Variants in PCNX2 observed in about 807,000 individuals in gnomAD.
PCNX2 encodes pecanex-like protein 2.
Under a neutral mutation model 223.8 loss-of-function variants are expected in PCNX2, and 168 were observed. That is an observed-to-expected ratio of 0.75 (90% CI 0.66 to 0.85). The LOEUF (loss-of-function observed/expected upper bound fraction) is 0.85, where lower values mean the gene tolerates loss of function less well. Among genes scored for constraint, PCNX2 ranks in the 40% least tolerant of loss-of-function variants. The probability of loss-of-function intolerance (pLI) is 0.00; values close to 1 mark genes in which losing one functional copy is unlikely to be tolerated. For synonymous variants in PCNX2, 1,006 were observed against 1,052.6 expected (o/e 0.96, Z 0.86); for missense variants, 2,507 against 2,675.5 (o/e 0.94, Z 1.39).
chr1:232,993,353 C>A (rs1669768472), intron 32 of PCNX2, among the ~76,000 whole-genome samples: 1 of 152,176 alleles, frequency 6.6e-6, no homozygotes, highest in Non-Finnish European at 1.5e-5. Flanking sequence ...TCCTAGAGAT[C>A]TGTGGAACTT....
At chr1:233,268,316 C>T (rs1453747021) in intron 1 of PCNX2, among the ~76,000 whole-genome samples, 1 of 152,156 alleles carries the variant, frequency 6.6e-6, no homozygotes, top group Admixed American at 6.5e-5. Flanking sequence ...TGCCTCCCAT[C>T]TTTTGAATGG....
chr1:233,262,047 A>T lies in PCNX2; in HGVS notation c.478T>A (p.Leu160Met). ...SITSHHSSGP[L>M]ELSAQETVED... ...AAACAGGAAAGAAGACCACTAACCA[A>T]TGGCCCAGAAGAGTGATGAGAGGTT... Residue 160 changes from leucine (L) to methionine (M), a missense_variant and splice_region_variant, in exon 3 of 34, where the codon TTG (leucine) becomes ATG (methionine). Around this residue, in one of 3 missense-constraint regions of PCNX2, gnomAD observed 1,031 missense variants for 1,021.7 expected, o/e 1.01. Coordinates refer to ENST00000258229, the MANE Select transcript of PCNX2 (RefSeq NM_014801.4). The T allele has an allele frequency of 6.2e-7, 1 of 1,613,390 alleles. No homozygotes were observed. The highest frequency in any genetic ancestry group is 8.5e-7 in the Non-Finnish European group (1 of 1,179,482).
At chr1:233,172,809 TTTTTAG>T (rs1679235619) in intron 17 of PCNX2, among the ~76,000 whole-genome samples, 1 of 152,194 alleles carries the variant, frequency 6.6e-6, no homozygotes, top group Non-Finnish European at 1.5e-5. Flanking sequence ...TTATTCAGAA[TTTTTAG>T]TTTTAATCAG....
chr1:233,064,395 T>TC (rs1672515113), intron 23 of PCNX2, among the ~76,000 whole-genome samples: 1 of 152,196 alleles, frequency 6.6e-6, no homozygotes, highest in Non-Finnish European at 1.5e-5. Context: ...TGGAGACTTG[T>TC]CCCCACTCTT....
chr1:233,092,993 G>T (rs1184534955), intron 22 of PCNX2, among the ~76,000 whole-genome samples: 2 of 152,062 alleles, frequency 1.3e-5, no homozygotes, highest in East Asian at 1.9e-4. Flanking sequence ...TAGAGACGGG[G>T]TTTCACCGTG....
At chr1:233,048,702 G>C (rs1045573508) in intron 25 of PCNX2, among the ~76,000 whole-genome samples, 11 of 152,056 alleles carry the variant, frequency 7.2e-5, no homozygotes, top group African/African-American at 2.7e-4. Context: ...TCCATACAAA[G>C]AGTCAACAAA....
At chr1:233,270,712 T>G (rs1660598142) in intron 1 of PCNX2, among the ~76,000 whole-genome samples, 1 of 152,224 alleles carries the variant, frequency 6.6e-6, no homozygotes, top group African/African-American at 2.4e-5. Context: ...CTGTTTCTTA[T>G]GAAATCTGCT....
rs577344612 is a variant in PCNX2, at chr1:233,033,828, C to A, written c.4352-8429G>T. ...GAGAACTGGATACCTTTCAGGAAAT[C>A]TTTGAGATGTATAATTTCTGCAATG... On this transcript the variant is annotated intron_variant, in intron 25 of 33. Transcript: ENST00000258229. Among the ~76,000 whole-genome samples, 3 of 152,288 alleles carry A rather than the reference C, an allele frequency of 2.0e-5. No individual in the cohort carries two copies. The East Asian group carries it at 5.8e-4, about 29-fold the overall frequency.
chr1:233,054,298 T>G lies in PCNX2; in HGVS notation c.4321A>C (p.Thr1441Pro), dbSNP rs751034307. Residue 1441 changes from threonine (T) to proline (P), a missense_variant, in exon 25 of 34, where the codon ACC becomes CCC. Physicochemically the swap from Thr to Pro is conservative, Grantham distance 38. Around this residue, in one of 3 missense-constraint regions of PCNX2, gnomAD observed 1,372 missense variants for 1,509.4 expected, o/e 0.91. Transcript: ENST00000258229. ...AATTCCAGTCCTCGAAGTTGAAAGG[T>G]GACAAGACCATTTCCAATTTCAATC... ...HLIEIGNGLV[T>P]FQLRGLEFRG... 3 of 1,613,858 alleles carry G rather than the reference T, an allele frequency of 1.9e-6. No individual in the cohort carries two copies. The highest frequency in any genetic ancestry group is 2.2e-5 in the South Asian group (2 of 91,036).
At position 233,100,454 on chromosome 1, in the gene PCNX2, A is replaced by C. The variant is rs1674425512; in HGVS notation, c.3838-4591T>G. On this transcript the variant is annotated intron_variant, in intron 21 of 33. Coordinates refer to ENST00000258229, the MANE Select transcript of PCNX2 (RefSeq NM_014801.4). Reference sequence around the variant, plus strand: ...AAAAAAAAAAAGAAAATCACAATGGAGTAATTATGGCTGTTTCCCAAGGAA... The same window carrying C: ...AAAAAAAAAAAGAAAATCACAATGGCGTAATTATGGCTGTTTCCCAAGGAA... 2.0e-5 allele frequency among the ~76,000 whole-genome samples: 3 copies of C among 150,920 alleles called. No homozygotes were observed. The South Asian group carries it at 6.3e-4, about 32-fold the overall frequency.
At chr1:233,247,242 G>A (rs1427609110) in intron 8 of PCNX2, among the ~76,000 whole-genome samples, 1 of 152,198 alleles carries the variant, frequency 6.6e-6, no homozygotes, top group African/African-American at 2.4e-5. Context: ...TGAAGGGACT[G>A]GAGTTTTGTG....
chr1:233,167,701 C>T, intron 17 of PCNX2: 1 of 968,558 alleles, frequency 1.0e-6, no homozygotes, highest in African/African-American at 1.8e-5. Flanking sequence ...AATAAAATCT[C>T]TTTAAAAAAT....
At chr1:233,171,638 C>T (rs757708489) in intron 17 of PCNX2, among the ~76,000 whole-genome samples, 1 of 152,146 alleles carries the variant, frequency 6.6e-6, no homozygotes, top group African/African-American at 2.4e-5. Flanking sequence ...TGCATTTTCA[C>T]TATGGCTTGT....
chr1:233,252,768 T>G lies in PCNX2; in HGVS notation c.1855A>C (p.Lys619Gln). The change falls in exon 6 of 34, where the codon AAG (lysine) becomes CAG (glutamine). Residue 619 changes from lysine (K) to glutamine (Q), a missense_variant. Physicochemically the swap from Lys to Gln is moderately conservative, Grantham distance 53. Coordinates refer to ENST00000258229, the MANE Select transcript of PCNX2 (RefSeq NM_014801.4). Reference protein sequence around the residue: ...LLRDNCSQEKKEEILENEKPS... With the variant: ...LLRDNCSQEKQEEILENEKPS... ...TTTTCATTTTCCAGGATTTCCTCCT[T>G]TTTTTCCTGGGAACAGTTATCTGAA... The G allele has an allele frequency of 6.2e-7, 1 of 1,611,196 alleles. No homozygotes were observed. Among genetic ancestry groups the G allele is most frequent in the Non-Finnish European group, 8.5e-7 (1 of 1,179,388 alleles).
chr1:233,128,792 A>C (rs1676253448), intron 21 of PCNX2, among the ~76,000 whole-genome samples: 1 of 152,232 alleles, frequency 6.6e-6, no homozygotes, highest in Non-Finnish European at 1.5e-5. Context: ...AAATGTCACC[A>C]ATGAATAACA....
intron 17 of PCNX2, 37 bp downstream of exon 17, chr1:233,177,765 C>T (rs750968570): frequency 3.9e-6 from 6 of 1,540,450 alleles, no homozygotes; most frequent in Middle Eastern, 1.7e-4. Context: ...AAAGATGAGG[C>T]CCTCCTATGC....
At chr1:233,009,757 G>A (rs190909523) in intron 28 of PCNX2, among the ~76,000 whole-genome samples, 8 of 152,276 alleles carry the variant, frequency 5.3e-5, no homozygotes, top group Admixed American at 4.6e-4. Context: ...TTCTGATCAA[G>A]CTCCCTCTGT....
At chr1:233,111,095 T>C (rs574473209) in intron 21 of PCNX2, among the ~76,000 whole-genome samples, 3 of 152,308 alleles carry the variant, frequency 2.0e-5, no homozygotes, top group Non-Finnish European at 2.9e-5. Flanking sequence ...ACTCTTAAAA[T>C]ATTTGGCATA....
intron 23 of PCNX2, among the ~76,000 whole-genome samples, chr1:233,079,356 T>C (rs1673248151): frequency 6.6e-6 from 1 of 151,908 alleles, no homozygotes. Context: ...AACCCCCGTC[T>C]CTACTAAAAA....
Sources: allele counts gnomAD v4.1 joint callset (sites outside exome capture counted in the v4.1 genomes callset), GRCh38; gene constraint gnomAD v4.1.1; regional missense constraint gnomAD v4.1.1; transcripts MANE v1.5; gene names NCBI Gene and HGNC (gene_info 2026-07-23, HGNC 2026-07-21).